Variants in SRPRA observed in about 807,000 individuals in gnomAD.
SRPRA encodes signal recognition particle receptor subunit alpha.
In SRPRA, 30 loss-of-function variants were observed where a neutral mutation model predicts 61.1. The ratio of observed to expected loss-of-function variants is 0.49; its 90% CI spans 0.37 to 0.67. The LOEUF (loss-of-function observed/expected upper bound fraction) is 0.67. SRPRA is among the 30% of genes least tolerant of loss of function. The probability of loss-of-function intolerance (pLI) is 0.00; values close to 1 mark genes in which losing one functional copy is unlikely to be tolerated. For synonymous variants in SRPRA, 324 were observed against 299.7 expected (o/e 1.08, Z -0.84); for missense variants, 759 against 828.4 (o/e 0.92, Z 1.03).
At chr11:126,262,067 TATA>T, downstream of SRPRA, 1 of 1,602,836 alleles carries the variant, frequency 6.2e-7, no homozygotes, top group Non-Finnish European at 8.5e-7. Context: ...GCTTCCAATG[TATA>T]AACCTGTTTT....
the SRPRA span, chr11:126,256,844 G>A: frequency 9.3e-6 from 15 of 1,609,576 alleles, no homozygotes; most frequent in Admixed American, 5.1e-5. The surrounding 1 kb of genome is among the most constrained non-coding windows in gnomAD (Gnocchi z 6.6). Flanking sequence ...TCCACAAGGG[G>A]TACATCAGGT....
the SRPRA span, chr11:126,256,918 T>G: frequency 2.0e-6 from 3 of 1,480,002 alleles, no homozygotes; most frequent in Non-Finnish European, 2.7e-6. This position sits in a 1 kb window ranked among gnomAD's most constrained non-coding sequence, Gnocchi z 6.6. Context: ...TGTGTATTTG[T>G]GATGTGATGG....
the SRPRA span, chr11:126,250,570 A>G: frequency 3.7e-6 from 6 of 1,614,120 alleles, no homozygotes. The surrounding 1 kb of genome is among the most constrained non-coding windows in gnomAD (Gnocchi z 5.1). Context: ...GATGACTTGG[A>G]GTCAAAGATG....
the SRPRA span, among the ~76,000 whole-genome samples, chr11:126,246,592 G>A: frequency 6.6e-6 from 1 of 152,086 alleles, no homozygotes; most frequent in African/African-American, 2.4e-5. Context: ...GAGGCGGTGG[G>A]GGAACAGGTT....
chr11:126,254,182 A>G, the SRPRA span: 9 of 1,201,070 alleles, frequency 7.5e-6, no homozygotes, highest in East Asian at 2.5e-5. Flanking sequence ...TTCTTGTCCT[A>G]TATCATGAAG....
At chr11:126,249,805 G>A in the SRPRA span, among the ~76,000 whole-genome samples, 1 of 151,414 alleles carries the variant, frequency 6.6e-6, no homozygotes, top group South Asian at 2.1e-4. Flanking sequence ...TCTCAGTGGC[G>A]TTTCCCTACA....
At position 126,264,501 on chromosome 11, in the gene SRPRA, C is replaced by A; in HGVS notation, c.1564G>T (p.Ala522Ser). The change falls in exon 12 of 14, where the codon GCA (alanine) becomes TCA (serine). Residue 522 changes from alanine (A) to serine (S), a missense_variant. By Grantham distance (99) the Ala-to-Ser change is moderately conservative. Coordinates refer to ENST00000332118, the MANE Select transcript of SRPRA (RefSeq NM_003139.4). The surrounding 1 kb of genome is among the most constrained non-coding windows in gnomAD (Gnocchi z 5.0). The stretch of plus-strand genomic sequence containing the variant: ...GGGGCATTGTCTTGCATGCGGCCTG[C>A]CGTGTCCACCAGCACCACGTCAAAG... ...QGFDVVLVDT[A>S]GRMQDNAPLM... The A allele has an allele frequency of 6.2e-7, 1 of 1,613,666 alleles. No homozygotes were observed. The highest frequency in any genetic ancestry group is 8.5e-7 in the Non-Finnish European group (1 of 1,180,046).
Position 126,268,829 on chromosome 11 carries a change from G to T in SRPRA, c.-25C>A, listed in dbSNP as rs758719474. ...TGGCGGCAGCGGCAGAGGAGCTGGG[G>T]CCGGCGCCGGGAATTCAGGCCGCGT... On this transcript the variant is annotated 5_prime_UTR_variant, in exon 1 of 14. Transcript: ENST00000332118. 6.3e-7 allele frequency: 1 copy of T among 1,596,362 alleles called. No homozygotes were observed. The highest frequency in any genetic ancestry group is 1.1e-5 in the South Asian group (1 of 90,730).
At chr11:126,241,520 C>A in the SRPRA span, among the ~76,000 whole-genome samples, 2 of 151,980 alleles carry the variant, frequency 1.3e-5, no homozygotes, top group Admixed American at 1.3e-4. Flanking sequence ...TAAAAGGACT[C>A]CCTGTCTTGC....
Position 126,268,863 on chromosome 11 carries a change from G to T in SRPRA, c.-59C>A. 1 of 1,387,012 alleles carries T rather than the reference G, an allele frequency of 7.2e-7. No individual in the cohort carries two copies. The highest frequency in any genetic ancestry group is 2.3e-5 in the East Asian group (1 of 43,582). 85.9% of individuals were successfully genotyped at this position (1,387,012 alleles called of 1,614,324 possible). On this transcript the variant is annotated 5_prime_UTR_variant, in exon 1 of 14. Transcript: ENST00000332118. ...GGGAATTCAGGCCGCGTTCGCCGCC[G>T]CTTCCTGCTGCGCCAAGCGCGGGAC...
At chr11:126,256,923 T>C in the SRPRA span, 5 of 1,450,272 alleles carry the variant, frequency 3.4e-6, no homozygotes, top group Non-Finnish European at 4.7e-6. The surrounding 1 kb of genome is among the most constrained non-coding windows in gnomAD (Gnocchi z 6.6). Flanking sequence ...ATTTGTGATG[T>C]GATGGGCAAA....
At chr11:126,256,694 T>G in the SRPRA span, 1 of 1,614,188 alleles carries the variant, frequency 6.2e-7, no homozygotes, top group Non-Finnish European at 8.5e-7. This position sits in a 1 kb window ranked among gnomAD's most constrained non-coding sequence, Gnocchi z 6.6. Flanking sequence ...CTAGAACATT[T>G]CATGCTGGTT....
At chr11:126,240,299 A>G in the SRPRA span, among the ~76,000 whole-genome samples, 1 of 150,646 alleles carries the variant, frequency 6.6e-6, no homozygotes, top group African/African-American at 2.4e-5. Flanking sequence ...CCTGAGGTTA[A>G]TGTTTACAAA....
At chr11:126,268,228 C>T in intron 1 of SRPRA, 142 bp from the exon 2 acceptor site, 1 of 674,298 alleles carries the variant, frequency 1.5e-6, no homozygotes. Context: ...TGTTGGGGCA[C>T]TTCTCTCTGG....
chr11:126,262,340 C>T, downstream of SRPRA: 1 of 397,296 alleles, frequency 2.5e-6, no homozygotes. Flanking sequence ...TGTTCAAGTT[C>T]AAGAATAAAA....
Position 126,266,788 on chromosome 11 carries a change from G to A in SRPRA, c.661C>T (p.His221Tyr). Residue 221 changes from histidine (H) to tyrosine (Y), a missense_variant, in exon 5 of 14, where the codon CAT becomes TAT. His to Tyr is a moderately conservative substitution (Grantham distance 83). Coordinates refer to ENST00000332118, the MANE Select transcript of SRPRA (RefSeq NM_003139.4). ...RRKREEFIQK[H>Y]GRGMEKSNKS... Reference sequence around the variant, plus strand: ...TTGGACTTCTCCATACCCCTCCCATGCTTCTGAATGAACTCCTCGCGCTTC... The same window carrying A: ...TTGGACTTCTCCATACCCCTCCCATACTTCTGAATGAACTCCTCGCGCTTC... 2 of 1,614,162 alleles carry A rather than the reference G, an allele frequency of 1.2e-6. No homozygotes were observed. Among genetic ancestry groups the A allele is most frequent in the Non-Finnish European group, 1.7e-6 (2 of 1,180,034 alleles).
chr11:126,267,865 AGCTGCTGTTTTCCCCCATC>A lies in SRPRA; in HGVS notation c.201+119_201+137del. 7.3e-7 allele frequency: 1 copy of A among 1,371,706 alleles called. No homozygotes were observed. The highest frequency in any genetic ancestry group is 1.8e-4 in the Middle Eastern group (1 of 5,516). The allele number at this position is 1,371,706 out of a possible 1,614,324, so 85.0% of individuals were successfully genotyped here. On this transcript the variant is annotated intron_variant, in intron 2 of 13. Coordinates refer to ENST00000332118, the MANE Select transcript of SRPRA (RefSeq NM_003139.4). The surrounding 1 kb of genome is among the most constrained non-coding windows in gnomAD (Gnocchi z 4.2). ...GCCAAGCTCCCTGCCTGGGCCCAGT[AGCTGCTGTTTTCCCCCATC>A]TACCTTTCTAGTTTTTTCAGTTACG...
At chr11:126,254,571 G>A in the SRPRA span, 4 of 1,181,130 alleles carry the variant, frequency 3.4e-6, no homozygotes, top group South Asian at 1.5e-5. Context: ...AGTGGCTCAT[G>A]CCTATAATCC....
Position 126,268,891 on chromosome 11 carries a change from G to T in SRPRA, c.-87C>A. 2 of 1,095,096 alleles carry T rather than the reference G, an allele frequency of 1.8e-6. No individual in the cohort carries two copies. The highest frequency in any genetic ancestry group is 2.8e-6 in the Non-Finnish European group (2 of 724,966). 67.8% of individuals were successfully genotyped at this position (1,095,096 alleles called of 1,614,324 possible). On this transcript the variant is annotated 5_prime_UTR_variant, in exon 1 of 14. Transcript: ENST00000332118. ...TCCTGCTGCGCCAAGCGCGGGACAC[G>T]TCACACCAGTGGCCCCGGAAATCGG...
Sources: allele counts gnomAD v4.1 joint callset (sites outside exome capture counted in the v4.1 genomes callset), GRCh38; gene constraint gnomAD v4.1.1; non-coding constraint Gnocchi (gnomAD v3.1); transcripts MANE v1.5; gene names NCBI Gene and HGNC (gene_info 2026-07-23, HGNC 2026-07-21).